The following TACSTD2 variants were observed in gnomAD, a reference collection of about 807,000 sequenced individuals.
TACSTD2 encodes tumor-associated calcium signal transducer 2.
A neutral mutation model predicts 7.9 loss-of-function variants in TACSTD2; 6 were observed. The observed-to-expected ratio is 0.76, with a 90% CI of 0.42 to 1.50. The LOEUF (loss-of-function observed/expected upper bound fraction) is 1.50. Among genes scored for constraint, TACSTD2 ranks in the 40% most tolerant of loss-of-function variants. The probability of loss-of-function intolerance (pLI) is 0.01; values close to 1 mark genes in which losing one functional copy is unlikely to be tolerated. For missense variants in TACSTD2, 511 were observed against 471.2 expected, an observed-to-expected ratio of 1.08 and a Z score of -0.78; for synonymous variants, 220 against 225.5, an observed-to-expected ratio of 0.98 and a Z score of 0.22.
chr1:58,576,902 G>C lies in TACSTD2; in HGVS notation c.255C>G (p.Asn85Lys). ...CACTCGGCCGCACCAGCGTGCGGGC[G>C]TTCTTGGGGGCGCTCATGCGCGCCT... is the stretch of plus-strand genomic sequence containing the variant. The part of the protein sequence containing the change: ...LLKARMSAPK[N>K]ARTLVRPSEH... The change falls in exon 1 of 1, where the codon AAC (asparagine) becomes AAG (lysine). Residue 85 changes from asparagine (N) to lysine (K), a missense_variant. Coordinates refer to ENST00000371225, the MANE Select transcript of TACSTD2 (RefSeq NM_002353.3). 2.5e-6 allele frequency: 4 copies of C among 1,588,950 alleles called. No individual in the cohort carries two copies. Among genetic ancestry groups the C allele is most frequent in the Non-Finnish European group, 3.4e-6 (4 of 1,174,288 alleles).
chr1:58,577,203 G>A lies in TACSTD2; in HGVS notation c.-47C>T. 9 of 1,328,384 alleles carry A rather than the reference G, an allele frequency of 6.8e-6. No individual in the cohort carries two copies. Among genetic ancestry groups the A allele is most frequent in the African/African-American group, 3.1e-5 (2 of 64,678 alleles). 82.3% of individuals were successfully genotyped at this position (1,328,384 alleles called of 1,614,324 possible). A position where few individuals can be genotyped will look rare whatever the true frequency, so the allele number is the denominator to read the frequency against. ...CCGGACGCGGGCGGATGAGGCGCGG[G>A]GACTCGTCGGGGCTCGGGCTCCGGC... On this transcript the variant is annotated 5_prime_UTR_variant, in exon 1 of 1. Coordinates refer to ENST00000371225, the MANE Select transcript of TACSTD2 (RefSeq NM_002353.3).
rs1569582110 is a variant in TACSTD2 at position 58,577,166 on chromosome 1, G to A, written c.-10C>T. On this transcript the variant is annotated 5_prime_UTR_variant, in exon 1 of 1. Transcript: ENST00000371225. ...CGGGGCCCCGAGCCATGGTGGGGCGGAGGAACGCGGACCGGACGCGGGCGG... is the reference window on the plus strand; with the variant it reads ...CGGGGCCCCGAGCCATGGTGGGGCGAAGGAACGCGGACCGGACGCGGGCGG... The A allele has an allele frequency of 7.4e-7, 1 of 1,358,554 alleles. No homozygotes were observed. Among genetic ancestry groups the A allele is most frequent in the East Asian group, 3.1e-5 (1 of 32,732 alleles). 84.2% of individuals were successfully genotyped at this position (1,358,554 alleles called of 1,614,324 possible). A position where few individuals can be genotyped will look rare whatever the true frequency, so the allele number is the denominator to read the frequency against.
At position 58,576,402 on chromosome 1, in the gene TACSTD2, T is replaced by C. The variant is rs749337338; in HGVS notation, c.755A>G (p.Gln252Arg). ...GTAATAGATGAGCGTGCGCTCCACC[T>C]GCAGGGGTTCTCCGCGCACGCGCAA... is the stretch of plus-strand genomic sequence containing the variant. ...LDLRVRGEPL[Q>R]VERTLIYYLD... Residue 252 changes from glutamine to arginine, a missense_variant, in exon 1 of 1, where the codon CAG (glutamine) becomes CGG (arginine). Physicochemically the swap from Gln to Arg is conservative, Grantham distance 43 (BLOSUM62 1). Coordinates refer to ENST00000371225, the MANE Select transcript of TACSTD2 (RefSeq NM_002353.3). The C allele has an allele frequency of 6.2e-6, 10 of 1,613,422 alleles. No individual in the cohort carries two copies. The Admixed American group carries it at 1.5e-4, about 24-fold the overall frequency.
chr1:58,576,698 G>A lies in TACSTD2; in HGVS notation c.459C>T (p.His153=). 1 of 1,601,896 alleles carries A rather than the reference G, an allele frequency of 6.2e-7. No individual in the cohort carries two copies. Among genetic ancestry groups the A allele is most frequent in the Non-Finnish European group, 8.5e-7 (1 of 1,178,968 alleles). Residue 153 remains histidine (H), a synonymous_variant, in exon 1 of 1, where the codon CAC becomes CAT. Transcript: ENST00000371225. ...LRCDELVRTH[H]ILIDLRHRPT... ...GGCGGTGGCGCAGGTCAATGAGGAT[G>A]TGGTGGGTGCGCACCAGCTCATCGC...
rs41311174 is a variant in TACSTD2, at chr1:58,576,137, C to G, written c.*48G>C. The G allele has an allele frequency of 6.3e-7, 1 of 1,597,190 alleles. No individual in the cohort carries two copies. Among genetic ancestry groups the G allele is most frequent in the South Asian group, 1.1e-5 (1 of 88,168 alleles). On this transcript the variant is annotated 3_prime_UTR_variant, in exon 1 of 1. Transcript: ENST00000371225. ...AAGCGTGACTCACTTGGGTCTGGGA[C>G]GATACCGAAATCCGGTACCCCACCC...
In TACSTD2 at chr1:58,576,920, G is replaced by T. The variant is rs1168243156; in HGVS notation, c.237C>A (p.Arg79=). The T allele has an allele frequency of 3.8e-6, 6 of 1,587,508 alleles. No individual in the cohort carries two copies. The South Asian group carries it at 4.5e-5, about 12-fold the overall frequency. The change falls in exon 1 of 1, where the codon CGC becomes CGA. Residue 79 remains arginine (R), a synonymous_variant. Coordinates refer to ENST00000371225, the MANE Select transcript of TACSTD2 (RefSeq NM_002353.3). ...LTSKCLLLKA[R]MSAPKNARTL... ...TGCGGGCGTTCTTGGGGGCGCTCAT[G>T]CGCGCCTTGAGCAGCAGACACTTGG...
chr1:58,576,485 G>C lies in TACSTD2; in HGVS notation c.672C>G (p.Tyr224Ter). 6.2e-7 allele frequency: 1 copy of C among 1,613,634 alleles called. No homozygotes were observed. Among genetic ancestry groups the C allele is most frequent in the Admixed American group, 1.7e-5 (1 of 59,980 alleles). Reference sequence around the variant, plus strand: ...CGCCCTTGATGTCCCTCTCGAAGTAGTAGGCGGCATCGCCGATATCCACGT... The same window carrying C: ...CGCCCTTGATGTCCCTCTCGAAGTACTAGGCGGCATCGCCGATATCCACGT... ...AGDVDIGDAA[Y>*]YFERDIKGES... The change falls in exon 1 of 1, where the codon TAC becomes TAG. Residue 224 changes from tyrosine (Y) to a stop codon, truncating the protein, a stop_gained. Transcript: ENST00000371225. LOFTEE classifies it high-confidence loss of function.
chr1:58,577,082 G>A lies in TACSTD2; in HGVS notation c.75C>T (p.Thr25=), dbSNP rs1338904865. 3 of 1,477,080 alleles carry A rather than the reference G, an allele frequency of 2.0e-6. No homozygotes were observed. The highest frequency in any genetic ancestry group is 1.8e-6 in the Non-Finnish European group (2 of 1,122,622). The allele number at this position is 1,477,080 out of a possible 1,614,324, so 91.5% of individuals were successfully genotyped here. Residue 25 remains threonine, a synonymous_variant, in exon 1 of 1, where the codon ACC becomes ACT. Transcript: ENST00000371225. ...AGTTGTCCTGCGCGGCCGTGTGGCC[G>A]GTCACCGCCGCCAGCACCAGCAGCA... is the stretch of plus-strand genomic sequence containing the variant. ...PLLLLVLAAV[T]GHTAAQDNCT... is the part of the protein sequence containing the mutation.
In TACSTD2 at chr1:58,577,023, C is replaced by A. The variant is rs566947052; in HGVS notation, c.134G>T (p.Ser45Ile). Reference protein sequence around the residue: ...TCPTNKMTVCSPDGPGGRCQC... With the variant: ...TCPTNKMTVCIPDGPGGRCQC... ...GCAGCGGCCGCCGGGGCCGTCGGGG[C>A]TGCACACGGTCATCTTGTTGGTGGG... The change falls in exon 1 of 1, where the codon AGC becomes ATC. Residue 45 changes from serine (S) to isoleucine (I), a missense_variant. By Grantham distance (142) the Ser-to-Ile change is moderately radical (BLOSUM62 -2). Coordinates refer to ENST00000371225, the MANE Select transcript of TACSTD2 (RefSeq NM_002353.3). The A allele has an allele frequency of 1.3e-6, 2 of 1,554,282 alleles. No individual in the cohort carries two copies. The highest frequency in any genetic ancestry group is 2.4e-5 in the East Asian group (1 of 42,364).
At position 58,575,888 on chromosome 1, in the gene TACSTD2, T is replaced by A. The variant is rs1303022239; in HGVS notation, c.*297A>T. ...CCCGGGTTGTCATACAGATACTTGT[T>A]TTTTACACATAACGCTATGCCATCC... On this transcript the variant is annotated 3_prime_UTR_variant, in exon 1 of 1. Coordinates refer to ENST00000371225, the MANE Select transcript of TACSTD2 (RefSeq NM_002353.3). 2.5e-6 allele frequency: 1 copy of A among 406,916 alleles called. No homozygotes were observed. Among genetic ancestry groups the A allele is most frequent in the African/African-American group, 2.0e-5 (1 of 49,338 alleles). 25.2% of individuals were successfully genotyped at this position (406,916 alleles called of 1,614,324 possible).
chr1:58,576,051 A>C lies in TACSTD2; in HGVS notation c.*134T>G, dbSNP rs1332764228. On this transcript the variant is annotated 3_prime_UTR_variant, in exon 1 of 1. Transcript: ENST00000371225. ...TCTATTAAACCTGGTGTGTGCGCAA[A>C]AGGGAGGGGGAAGGCAGGAATTTGA... 1 of 1,130,752 alleles carries C rather than the reference A, an allele frequency of 8.8e-7. No homozygotes were observed. Among genetic ancestry groups the C allele is most frequent in the Non-Finnish European group, 1.2e-6 (1 of 811,382 alleles). 70.0% of individuals were successfully genotyped at this position (1,130,752 alleles called of 1,614,324 possible).
Position 58,575,865 on chromosome 1 carries a change from C to T in TACSTD2, c.*320G>A. 3.1e-6 allele frequency: 1 copy of T among 325,768 alleles called. No individual in the cohort carries two copies. The highest frequency in any genetic ancestry group is 5.2e-5 in the South Asian group (1 of 19,320). The allele number at this position is 325,768 out of a possible 1,614,324, so 20.2% of individuals were successfully genotyped here. A position where few individuals can be genotyped will look rare whatever the true frequency, so the allele number is the denominator to read the frequency against. On this transcript the variant is annotated 3_prime_UTR_variant, in exon 1 of 1. Coordinates refer to ENST00000371225, the MANE Select transcript of TACSTD2 (RefSeq NM_002353.3). ...GGATTCAGTTACTTGCAAACGATCCCGGGTTGTCATACAGATACTTGTTTT... is the reference window on the plus strand; with the variant it reads ...GGATTCAGTTACTTGCAAACGATCCTGGGTTGTCATACAGATACTTGTTTT...
In TACSTD2 at chr1:58,576,458, C is replaced by T. The variant is rs750712383; in HGVS notation, c.699G>A (p.Glu233=). ...GGCCGCCGCGGCCCTGGAATAGAGACTCGCCCTTGATGTCCCTCTCGAAGT... is the reference window on the plus strand; with the variant it reads ...GGCCGCCGCGGCCCTGGAATAGAGATTCGCCCTTGATGTCCCTCTCGAAGT... The part of the protein sequence containing the change: ...AYYFERDIKG[E]SLFQGRGGLD... Residue 233 remains glutamate, a synonymous_variant, in exon 1 of 1, where the codon GAG becomes GAA. Transcript: ENST00000371225. The T allele has an allele frequency of 2.5e-6, 4 of 1,613,956 alleles. No individual in the cohort carries two copies. Among genetic ancestry groups the T allele is most frequent in the Non-Finnish European group, 3.4e-6 (4 of 1,179,944 alleles).
rs1570022117 is a variant in TACSTD2, at chr1:58,575,898, TA to T, written c.*286del. On this transcript the variant is annotated 3_prime_UTR_variant, in exon 1 of 1. Transcript: ENST00000371225. ...CATACAGATACTTGTTTTTTACACA[TA>T]ACGCTATGCCATCCCTTCCTTCACT... The T allele has an allele frequency of 4.5e-6, 2 of 445,248 alleles. No individual in the cohort carries two copies. The highest frequency in any genetic ancestry group is 8.0e-5 in the East Asian group (2 of 25,044). The allele number at this position is 445,248 out of a possible 1,614,324, so 27.6% of individuals were successfully genotyped here. A position where few individuals can be genotyped will look rare whatever the true frequency, so the allele number is the denominator to read the frequency against.
Position 58,577,189 on chromosome 1 carries a change from C to T in TACSTD2, c.-33G>A, listed in dbSNP as rs1234043818. ...CGGAGGAACGCGGACCGGACGCGGGCGGATGAGGCGCGGGGACTCGTCGGG... is the reference window on the plus strand; with the variant it reads ...CGGAGGAACGCGGACCGGACGCGGGTGGATGAGGCGCGGGGACTCGTCGGG... On this transcript the variant is annotated 5_prime_UTR_variant, in exon 1 of 1. Transcript: ENST00000371225. 6 of 1,339,056 alleles carry T rather than the reference C, an allele frequency of 4.5e-6. No homozygotes were observed. Among genetic ancestry groups the T allele is most frequent in the Non-Finnish European group, 4.7e-6 (5 of 1,052,722 alleles). 82.9% of individuals were successfully genotyped at this position (1,339,056 alleles called of 1,614,324 possible).
chr1:58,577,190 G>C lies in TACSTD2; in HGVS notation c.-34C>G. 7.5e-7 allele frequency: 1 copy of C among 1,340,030 alleles called. No homozygotes were observed. The highest frequency in any genetic ancestry group is 2.0e-5 in the South Asian group (1 of 50,538). The allele number at this position is 1,340,030 out of a possible 1,614,324, so 83.0% of individuals were successfully genotyped here. A position where few individuals can be genotyped will look rare whatever the true frequency, so the allele number is the denominator to read the frequency against. ...GGAGGAACGCGGACCGGACGCGGGC[G>C]GATGAGGCGCGGGGACTCGTCGGGG... is the stretch of plus-strand genomic sequence containing the variant. On this transcript the variant is annotated 5_prime_UTR_variant, in exon 1 of 1. Transcript: ENST00000371225.
chr1:58,576,789 G>T lies in TACSTD2; in HGVS notation c.368C>A (p.Ser123Ter). The part of the protein sequence containing the change: ...RFKARQCNQT[S>*]VCWCVNSVGV... ...CACCGAGTTCACGCACCAGCACACCGACGTCTGGTTGCACTGGCGCGCCTT... is the reference window on the plus strand; with the variant it reads ...CACCGAGTTCACGCACCAGCACACCTACGTCTGGTTGCACTGGCGCGCCTT... Residue 123 changes from serine (S) to a stop codon, truncating the protein, a stop_gained, in exon 1 of 1, where the codon TCG becomes TAG. Coordinates refer to ENST00000371225, the MANE Select transcript of TACSTD2 (RefSeq NM_002353.3). LOFTEE classifies it high-confidence loss of function. 1 of 1,598,124 alleles carries T rather than the reference G, an allele frequency of 6.3e-7. No homozygotes were observed. The highest frequency in any genetic ancestry group is 8.5e-7 in the Non-Finnish European group (1 of 1,178,414).
At position 58,576,299 on chromosome 1, in the gene TACSTD2, C is replaced by T. The variant is rs781222660; in HGVS notation, c.858G>A (p.Val286=). 1.9e-6 allele frequency: 3 copies of T among 1,613,110 alleles called. No homozygotes were observed. The African/African-American group carries it at 4.0e-5, about 22-fold the overall frequency. Residue 286 remains valine (V), a synonymous_variant, in exon 1 of 1, where the codon GTG becomes GTA. Transcript: ENST00000371225. ...GLIAVIVVVV[V]ALVAGMAVLV... is the part of the protein sequence containing the mutation. ...GGACGGCCATGCCGGCGACGAGGGC[C>T]ACCACGACCACCACGATGACGGCGA...
rs957637132 is a variant in TACSTD2 at position 58,575,996 on chromosome 1, T to C, written c.*189A>G. Reference sequence around the variant, plus strand: ...AGAAATGCTTCCTTCAAGACAGAAGTGAGAAAGAAAGGAGACCCTGAGGCC... The same window carrying C: ...AGAAATGCTTCCTTCAAGACAGAAGCGAGAAAGAAAGGAGACCCTGAGGCC... On this transcript the variant is annotated 3_prime_UTR_variant, in exon 1 of 1. Transcript: ENST00000371225. 2 of 693,294 alleles carry C rather than the reference T, an allele frequency of 2.9e-6. No individual in the cohort carries two copies. The highest frequency in any genetic ancestry group is 3.6e-5 in the African/African-American group (2 of 55,476). The allele number at this position is 693,294 out of a possible 1,614,324, so 42.9% of individuals were successfully genotyped here.
Sources: allele counts gnomAD v4.1 joint callset, GRCh38; gene constraint gnomAD v4.1.1; transcripts MANE v1.5; gene names NCBI Gene and HGNC (gene_info 2026-07-23, HGNC 2026-07-21).